The following NMS variants were observed in gnomAD, a reference collection of about 807,000 sequenced individuals.
NMS encodes neuromedin-S.
Under a neutral mutation model 32.2 loss-of-function variants are expected in NMS, and 30 were observed. The ratio of observed to expected loss-of-function variants is 0.93; its 90% CI spans 0.70 to 1.26. The LOEUF (loss-of-function observed/expected upper bound fraction) is 1.26, where lower values mean the gene tolerates loss of function less well. Among genes scored for constraint, NMS ranks in the 50% most tolerant of loss-of-function variants. The pLI, the probability that NMS is intolerant of heterozygous loss-of-function variation, is 0.00. For missense variants in NMS, 190 were observed against 186.3 expected (o/e 1.02, Z -0.12); for synonymous variants, 76 against 58.5 (o/e 1.30, Z -1.37).
At chr2:100,474,877 C>T (rs534230446) in intron 3 of NMS, among the ~76,000 whole-genome samples, 2 of 152,278 alleles carry the variant, frequency 1.3e-5, no homozygotes, top group African/African-American at 2.4e-5. Flanking sequence ...CAGCCTTGGA[C>T]CTGGAGCAAA....
Position 100,472,828 on chromosome 2 carries a change from G to T in NMS, c.110G>T (p.Gly37Val), listed in dbSNP as rs752460974. The change falls in exon 2 of 10, where the codon GGC becomes GTC. Residue 37 changes from glycine (G) to valine (V), a missense_variant. Physicochemically the swap from Gly to Val is moderately radical, Grantham distance 109 (BLOSUM62 -3). Coordinates refer to ENST00000376865, the MANE Select transcript of NMS (RefSeq NM_001011717.1). ...FPQPLADPSD[G>V]LDIVQLEQLA... ...CAACCTTTAGCTGATCCTTCAGATG[G>T]CTTGGATATTGTGCAGCTTGAGGTA... 2 of 1,611,110 alleles carry T rather than the reference G, an allele frequency of 1.2e-6. No homozygotes were observed. Among genetic ancestry groups the T allele is most frequent in the Non-Finnish European group, 1.7e-6 (2 of 1,177,678 alleles).
intron 6 of NMS, 65 bp from the exon 7 acceptor site, chr2:100,480,431 G>T: frequency 6.4e-7 from 1 of 1,551,746 alleles, no homozygotes; most frequent in Non-Finnish European, 8.9e-7. Flanking sequence ...CAGGATCACT[G>T]CAAGACAACT....
chr2:100,471,156 G>A (rs1677000809), intron 1 of NMS, among the ~76,000 whole-genome samples: 1 of 152,194 alleles, frequency 6.6e-6, no homozygotes, highest in Non-Finnish European at 1.5e-5. Context: ...CTAGCTTCTA[G>A]GGAACAGGGG....
At position 100,472,499 on chromosome 2, in the gene NMS, C is replaced by T. The variant is rs1205909902; in HGVS notation, c.77-296C>T. Among the ~76,000 whole-genome samples the T allele has an allele frequency of 5.9e-5, 9 of 152,202 alleles. No homozygotes were observed. The South Asian group carries it at 6.2e-4, about 11-fold the overall frequency. On this transcript the variant is annotated intron_variant, in intron 1 of 9. Transcript: ENST00000376865. ...GTTGTTACCTTGGATTTTTTTCCTCCTCTTTGCTGACTTGCTAATAGTTGT... is the reference window on the plus strand; with the variant it reads ...GTTGTTACCTTGGATTTTTTTCCTCTTCTTTGCTGACTTGCTAATAGTTGT...
At chr2:100,472,414 C>T (rs1250204870) in intron 1 of NMS, among the ~76,000 whole-genome samples, 1 of 152,196 alleles carries the variant, frequency 6.6e-6, no homozygotes, top group Non-Finnish European at 1.5e-5. Context: ...GATGTCCATC[C>T]TTTGTTGACA....
Position 100,481,332 on chromosome 2 carries a change from T to G in NMS, c.414+165T>G, listed in dbSNP as rs187178863. Among the ~76,000 whole-genome samples the G allele has an allele frequency of 4.6e-5, 7 of 152,234 alleles. No individual in the cohort carries two copies. The East Asian group carries it at 1.4e-3, about 29-fold the overall frequency. Reference sequence around the variant, plus strand: ...GGAATCACTCCAAGTAAAAATCTCCTCCTACAATCTTGCAAAGGCAAGAGT... The same window carrying G: ...GGAATCACTCCAAGTAAAAATCTCCGCCTACAATCTTGCAAAGGCAAGAGT... On this transcript the variant is annotated intron_variant, in intron 8 of 9. Transcript: ENST00000376865.
intron 6 of NMS, 74 bp downstream of exon 6, chr2:100,479,501 A>C: frequency 7.8e-7 from 1 of 1,288,440 alleles, no homozygotes; most frequent in Admixed American, 2.0e-5. Flanking sequence ...GCATGCTGTC[A>C]CCTTGGGGCT....
At chr2:100,471,234 G>A (rs1195077396) in intron 1 of NMS, among the ~76,000 whole-genome samples, 2 of 152,174 alleles carry the variant, frequency 1.3e-5, no homozygotes, top group South Asian at 2.1e-4. Context: ...GTGGGCGGTG[G>A]CAGAACAACT....
chr2:100,481,317 C>A, intron 8 of NMS, 150 bp downstream of exon 8: 3 of 799,798 alleles, frequency 3.8e-6, no homozygotes, highest in Non-Finnish European at 6.4e-6. Flanking sequence ...GGAATCACTC[C>A]AAGTAAAAAT....
chr2:100,480,081 T>G (rs2104338384), intron 6 of NMS, among the ~76,000 whole-genome samples: 1 of 152,338 alleles, frequency 6.6e-6, no homozygotes, highest in South Asian at 2.1e-4. Context: ...AGCAGCAGTT[T>G]GTCTGACCCC....
intron 5 of NMS, 129 bp from the exon 6 acceptor site, chr2:100,479,224 T>A: frequency 1.6e-6 from 1 of 626,734 alleles, no homozygotes. Flanking sequence ...CAAAAATGGG[T>A]TTTACTCTGA....
At chr2:100,475,773 G>A (rs575018950) in intron 3 of NMS, among the ~76,000 whole-genome samples, 18 of 152,100 alleles carry the variant, frequency 1.2e-4, no homozygotes, top group Non-Finnish European at 2.5e-4. Context: ...GCTGAGACGG[G>A]CAGATCACTT....
chr2:100,477,546 G>A, intron 5 of NMS, 132 bp downstream of exon 5: 1 of 646,872 alleles, frequency 1.5e-6, no homozygotes, highest in Non-Finnish European at 2.6e-6. Flanking sequence ...AGCTTCCCAG[G>A]GGCTTTTCCC....
chr2:100,476,597 GA>G (rs1475852063), intron 3 of NMS, among the ~76,000 whole-genome samples: 1 of 152,214 alleles, frequency 6.6e-6, no homozygotes, highest in African/African-American at 2.4e-5. Flanking sequence ...AACCAGATCA[GA>G]AGATTTAAAT....
intron 3 of NMS, among the ~76,000 whole-genome samples, chr2:100,474,876 A>G (rs1677077060): frequency 6.6e-6 from 1 of 152,210 alleles, no homozygotes; most frequent in South Asian, 2.1e-4. Context: ...ACAGCCTTGG[A>G]CCTGGAGCAA....
chr2:100,473,755 A>G (rs952677564), intron 3 of NMS, among the ~76,000 whole-genome samples: 10 of 151,978 alleles, frequency 6.6e-5, no homozygotes, highest in Admixed American at 1.3e-4. Context: ...TGGGTAGTTC[A>G]TGTATATTCT....
In NMS at chr2:100,476,235, C is replaced by A. The variant is rs555559605; in HGVS notation, c.184-1009C>A. Among the ~76,000 whole-genome samples, 4 of 152,170 alleles carry A rather than the reference C, an allele frequency of 2.6e-5. No individual in the cohort carries two copies. The South Asian group carries it at 8.3e-4, about 32-fold the overall frequency. The stretch of plus-strand genomic sequence containing the variant: ...TGTGAACAGATGCTGACAAGAAGAC[C>A]AGGAGCTGTAAAAATAGCAAGTACT... On this transcript the variant is annotated intron_variant, in intron 3 of 9. Coordinates refer to ENST00000376865, the MANE Select transcript of NMS (RefSeq NM_001011717.1).
At chr2:100,473,862 C>T (rs932887989) in intron 3 of NMS, among the ~76,000 whole-genome samples, 1 of 152,014 alleles carries the variant, frequency 6.6e-6, no homozygotes, top group Non-Finnish European at 1.5e-5. Flanking sequence ...TTCTCCAAAA[C>T]AATAGTTATC....
At chr2:100,476,097 T>G (rs1677106306) in intron 3 of NMS, among the ~76,000 whole-genome samples, 1 of 152,010 alleles carries the variant, frequency 6.6e-6, no homozygotes, top group South Asian at 2.1e-4. Context: ...CATCTTCACA[T>G]TCCTCATTAA....
Sources: gnomAD v4.1 joint callset for allele counts (sites outside exome capture counted in the v4.1 genomes callset) on GRCh38, gnomAD v4.1.1 for gene constraint, MANE v1.5 for transcripts, NCBI Gene and HGNC (gene_info 2026-07-23, HGNC 2026-07-21) for gene names.